Variants in ABCC1 observed in about 807,000 individuals in gnomAD.
The protein encoded by ABCC1 is multidrug resistance-associated protein 1.
ABCC1 carries 83 observed loss-of-function variants against 172.9 expected under a neutral mutation model. That is an observed-to-expected ratio of 0.48 (90% CI 0.40 to 0.58). The LOEUF (loss-of-function observed/expected upper bound fraction) is 0.58, where lower values mean the gene tolerates loss of function less well. Ranked by LOEUF, ABCC1 falls within the 20% of genes least tolerant of loss-of-function variation. ABCC1 has a pLI of 0.00. For synonymous variants in ABCC1, 937 were observed against 825.2 expected (o/e 1.14, Z -2.32); for missense variants, 1,817 against 2,002.7 (o/e 0.91, Z 1.77).
At position 16,047,705 on chromosome 16, in the gene ABCC1, CCCACACCCT is replaced by C. The variant is rs561940777; in HGVS notation, c.1219-435_1219-427del. 5.5e-3 allele frequency among the ~76,000 whole-genome samples: 833 copies of C among 152,138 alleles called. 15 individuals are homozygous for C. The highest frequency in any genetic ancestry group is 0.019 in the African/African-American group (800 of 41,494). On this transcript the variant is annotated intron_variant, in intron 9 of 30. Transcript: ENST00000399410. ...GAATGCCAAGGATTAGAGACCCTGG[CCCACACCCT>C]CAGTCCTTCAGTGGGATCTGGGACC... is the stretch of plus-strand genomic sequence containing the variant.
At chr16:16,026,167 C>T (rs11865349) in intron 5 of ABCC1, among the ~76,000 whole-genome samples, 18,506 of 152,116 alleles carry the variant, frequency 0.12, 1,508 homozygotes, top group African/African-American at 0.22. Context: ...TGCAGTGGCT[C>T]ATGCCTGTAA....
intron 22 of ABCC1, 148 bp from the exon 23 acceptor site, chr16:16,114,618 G>A (rs1335907852): frequency 1.3e-6 from 1 of 788,948 alleles, no homozygotes; most frequent in African/African-American, 1.7e-5. Flanking sequence ...TGGGATTACA[G>A]GTGTGAGCCA....
At position 15,949,623 on chromosome 16, in the gene ABCC1, CCGCCGCCGCCAGCGCTA is replaced by C. The variant is rs2045812426; in HGVS notation, c.-128_-112del. 3 of 620,878 alleles carry C rather than the reference CCGCCGCCGCCAGCGCTA, an allele frequency of 4.8e-6. No homozygotes were observed. Among genetic ancestry groups the C allele is most frequent in the Non-Finnish European group, 4.0e-6 (2 of 498,340 alleles). 38.5% of individuals were successfully genotyped at this position (620,878 alleles called of 1,614,324 possible). On this transcript the variant is annotated 5_prime_UTR_variant, in exon 1 of 31. Transcript: ENST00000399410. ...GCCCCGGCTCCCTGCGCCGCCGCCG[CCGCCGCCGCCAGCGCTA>C]GCGCCAGCAGCCGGGCCCGATCACC...
At chr16:15,975,988 A>T (rs942770384) in intron 1 of ABCC1, among the ~76,000 whole-genome samples, 1 of 152,140 alleles carries the variant, frequency 6.6e-6, no homozygotes. Context: ...AACAGAGGCC[A>T]GACGCGGTGG....
At chr16:16,096,245 C>CAA in intron 19 of ABCC1, among the ~76,000 whole-genome samples, 1 of 150,650 alleles carries the variant, frequency 6.6e-6, no homozygotes, top group East Asian at 2.0e-4. Context: ...AACAAAAAAA[C>CAA]AAAAAAAAAC....
chr16:16,068,124 A>C, intron 12 of ABCC1, 32 bp from the exon 13 acceptor site: 1 of 1,613,418 alleles, frequency 6.2e-7, no homozygotes, highest in Non-Finnish European at 8.5e-7. Flanking sequence ...CACTCGGGGC[A>C]CAGCAGTCAG....
chr16:16,136,889 T>G (rs2045935773), intron 29 of ABCC1, among the ~76,000 whole-genome samples: 1 of 152,166 alleles, frequency 6.6e-6, no homozygotes, highest in African/African-American at 2.4e-5. Context: ...ACCAGCTCCA[T>G]TCAGTTGATA....
chr16:16,052,734 C>T lies in ABCC1; in HGVS notation c.1391C>T (p.Pro464Leu). ...ALYLLWLNLG[P>L]SVLAGVAVMV... ...CCTTTCCTTCCTTAGAATCTGGGCCCTTCCGTCCTGGCTGGAGTGGCGGTG... is the reference window on the plus strand; with the variant it reads ...CCTTTCCTTCCTTAGAATCTGGGCCTTTCCGTCCTGGCTGGAGTGGCGGTG... Residue 464 changes from proline to leucine, a missense_variant, in exon 11 of 31, where the codon CCT becomes CTT. Pro to Leu is a moderately conservative substitution (Grantham distance 98, BLOSUM62 -3). Around this residue, in one of 3 missense-constraint regions of ABCC1, gnomAD observed 1,412 missense variants for 1,600.3 expected, o/e 0.88. Transcript: ENST00000399410. 1 of 1,614,166 alleles carries T rather than the reference C, an allele frequency of 6.2e-7. No homozygotes were observed. Among genetic ancestry groups the T allele is most frequent in the Non-Finnish European group, 8.5e-7 (1 of 1,180,012 alleles).
intron 3 of ABCC1, among the ~76,000 whole-genome samples, chr16:16,013,268 A>G (rs925057366): frequency 1.9e-5 from 2 of 105,622 alleles, no homozygotes; most frequent in Non-Finnish European, 4.5e-5. Context: ...CAGCCAGCAC[A>G]TGTTTTTTTT....
intron 14 of ABCC1, among the ~76,000 whole-genome samples, chr16:16,072,730 A>G (rs2050399003): frequency 1.3e-5 from 2 of 151,890 alleles, no homozygotes; most frequent in Non-Finnish European, 2.9e-5. Context: ...GTTTGTAACC[A>G]TCTCTCTAGG....
intron 19 of ABCC1, among the ~76,000 whole-genome samples, chr16:16,100,698 A>G (rs150462682): frequency 6.6e-6 from 1 of 152,346 alleles, no homozygotes; most frequent in Non-Finnish European, 1.5e-5. Flanking sequence ...TTAAAAATGT[A>G]TTTAGTAATA....
intron 1 of ABCC1, among the ~76,000 whole-genome samples, chr16:15,950,879 G>A (rs1304026479): frequency 6.6e-6 from 1 of 152,102 alleles, no homozygotes; most frequent in Non-Finnish European, 1.5e-5. Context: ...TGCATTTGGA[G>A]TGTTGAAAAG....
intron 1 of ABCC1, among the ~76,000 whole-genome samples, chr16:15,990,202 C>T (rs2046826643): frequency 1.3e-5 from 2 of 152,110 alleles, no homozygotes; most frequent in Non-Finnish European, 2.9e-5. Flanking sequence ...TTACAGGCGT[C>T]TGCCACCACA....
intron 9 of ABCC1, among the ~76,000 whole-genome samples, chr16:16,046,690 A>C (rs2049223684): frequency 6.6e-6 from 1 of 151,998 alleles, no homozygotes; most frequent in African/African-American, 2.4e-5. Context: ...CATTCCTTGC[A>C]TGGTAAGAGT....
At chr16:16,052,685 T>C (rs2049479739) in intron 10 of ABCC1, 39 bp from the exon 11 acceptor site, 1 of 1,602,314 alleles carries the variant, frequency 6.2e-7, no homozygotes, top group Non-Finnish European at 8.5e-7. Context: ...TGTTTTCTTC[T>C]GTCTGGTGAG....
intron 11 of ABCC1, among the ~76,000 whole-genome samples, chr16:16,054,386 G>C (rs1273985411): frequency 6.6e-6 from 1 of 152,160 alleles, no homozygotes; most frequent in Non-Finnish European, 1.5e-5. Context: ...GGACCTCTCT[G>C]TGCTGTGCCG....
chr16:16,079,032 C>T (rs761258766), intron 15 of ABCC1, among the ~76,000 whole-genome samples: 17 of 152,122 alleles, frequency 1.1e-4, no homozygotes, highest in Non-Finnish European at 2.1e-4. Context: ...GTCATGCCCC[C>T]AGTAAAGTTT....
At chr16:16,133,167 T>TGA (rs2045770024) in intron 27 of ABCC1, among the ~76,000 whole-genome samples, 2 of 152,174 alleles carry the variant, frequency 1.3e-5, no homozygotes, top group South Asian at 4.1e-4. Flanking sequence ...TTGACCTGAG[T>TGA]GATACCCTTA....
chr16:16,140,739 T>C (rs1392815686), intron 30 of ABCC1, among the ~76,000 whole-genome samples: 8 of 152,246 alleles, frequency 5.3e-5, no homozygotes, highest in Admixed American at 1.3e-4. Context: ...CTGTTGTCTC[T>C]GGCAGCTTTC....
Sources: allele counts gnomAD v4.1 joint callset (sites outside exome capture counted in the v4.1 genomes callset), GRCh38; gene constraint gnomAD v4.1.1; regional missense constraint gnomAD v4.1.1; transcripts MANE v1.5; gene names NCBI Gene and HGNC (gene_info 2026-07-23, HGNC 2026-07-21).